SUCO: variants seen among roughly 807,000 people sequenced by gnomAD.
SUCO encodes the protein SUN domain containing ossification factor.
Under a neutral mutation model 148.1 loss-of-function variants are expected in SUCO, and 57 were observed. The observed-to-expected ratio is 0.38, with a 90% CI of 0.31 to 0.48. SUCO has a LOEUF of 0.48. Among genes scored for constraint, SUCO ranks in the 20% least tolerant of loss-of-function variants. The pLI, the probability that SUCO is intolerant of heterozygous loss-of-function variation, is 0.96. For synonymous variants in SUCO, 470 were observed against 502.7 expected, an observed-to-expected ratio of 0.93 and a Z score of 0.87; for missense variants, 1,331 against 1,468.2, an observed-to-expected ratio of 0.91 and a Z score of 1.53.
intron 6 of SUCO, 21 bp from the exon 7 acceptor site, chr1:172,568,994 TCTTA>T (rs1344011870): frequency 1.3e-6 from 2 of 1,545,426 alleles, no homozygotes; most frequent in Middle Eastern, 1.7e-4. Context: ...GTTGAAGTCT[TCTTA>T]CTTTTTGGTG....
intron 1 of SUCO, chr1:172,542,857 T>G: frequency 1.0e-6 from 1 of 985,422 alleles, no homozygotes; most frequent in African/African-American, 1.7e-5. Context: ...GGAAGTCATT[T>G]AAGTGGTCAA....
At chr1:172,536,987 C>A (rs1215185412) in intron 1 of SUCO, among the ~76,000 whole-genome samples, 1 of 152,140 alleles carries the variant, frequency 6.6e-6, no homozygotes, top group Non-Finnish European at 1.5e-5. Flanking sequence ...TCTGCAAAAT[C>A]TCTTTTACTA....
In SUCO at chr1:172,602,383, G is replaced by C. The variant is rs879015136; in HGVS notation, c.3173+165G>C. The C allele has an allele frequency of 5.1e-6, 5 of 981,036 alleles. No homozygotes were observed. The Admixed American group carries it at 1.8e-4, about 36-fold the overall frequency. The allele number at this position is 981,036 out of a possible 1,614,324, so 60.8% of individuals were successfully genotyped here. A position where few individuals can be genotyped will look rare whatever the true frequency, so the allele number is the denominator to read the frequency against. ...TCATTCGATAGTAAGATGGTCCTAT[G>C]CCTAACCTGGCTCTGTAGACTATAA... On this transcript the variant is annotated intron_variant, in intron 21 of 23. Transcript: ENST00000263688.
chr1:172,609,131 C>T, intron 23 of SUCO: 1 of 565,440 alleles, frequency 1.8e-6, no homozygotes, highest in Non-Finnish European at 2.2e-6. Context: ...GGATGATTGT[C>T]ATTATTTATT....
intron 6 of SUCO, among the ~76,000 whole-genome samples, chr1:172,563,013 C>T (rs1482600135): frequency 6.6e-6 from 1 of 152,160 alleles, no homozygotes; most frequent in Non-Finnish European, 1.5e-5. Flanking sequence ...ACTTGCTTCC[C>T]CTTTGCCCTT....
chr1:172,562,639 C>G (rs895023599), intron 6 of SUCO, among the ~76,000 whole-genome samples: 1 of 152,146 alleles, frequency 6.6e-6, no homozygotes, highest in East Asian at 1.9e-4. Context: ...CCCAGTTAGA[C>G]CATTCTTTAG....
At chr1:172,602,418 C>T (rs953234105) in intron 21 of SUCO, 200 bp downstream of exon 21, 1 of 983,026 alleles carries the variant, frequency 1.0e-6, no homozygotes, top group Non-Finnish European at 1.2e-6. Context: ...ATAGAGAAAA[C>T]ACTAATAGTA....
intron 18 of SUCO, 137 bp from the exon 19 acceptor site, chr1:172,590,847 G>A: frequency 1.7e-6 from 1 of 586,996 alleles, no homozygotes; most frequent in East Asian, 3.0e-5. Context: ...AAATAGAATT[G>A]TATTGCATAG....
intron 11 of SUCO, 92 bp from the exon 12 acceptor site, chr1:172,577,447 A>G: frequency 8.2e-7 from 1 of 1,219,782 alleles, no homozygotes; most frequent in Non-Finnish European, 1.2e-6. Flanking sequence ...TATACTTTAT[A>G]CAACATAATT....
At chr1:172,557,815 A>G (rs746565346) in intron 6 of SUCO, 21 bp downstream of exon 6, 29 of 1,550,112 alleles carry the variant, frequency 1.9e-5, no homozygotes, top group Non-Finnish European at 2.4e-5. Context: ...AACTTGCACT[A>G]TCTCTTACTT....
rs1430216854 is a variant in SUCO, at chr1:172,570,818, ATAAT to A, written c.1049+90_1049+93del. ...TACATTAGGGTTACATTGACATATA[ATAAT>A]TTAATAAGCTTTTATGATTGATTAG... On this transcript the variant is annotated intron_variant, in intron 9 of 23. Coordinates refer to ENST00000263688, the MANE Select transcript of SUCO (RefSeq NM_014283.5). The A allele has an allele frequency of 3.0e-5, 24 of 795,566 alleles. No homozygotes were observed. The East Asian group carries it at 5.5e-4, about 18-fold the overall frequency. 49.3% of individuals were successfully genotyped at this position (795,566 alleles called of 1,614,324 possible). A position where few individuals can be genotyped will look rare whatever the true frequency, so the allele number is the denominator to read the frequency against.
chr1:172,569,090 A>G lies in SUCO; in HGVS notation c.804A>G (p.Ile268Met). ...CAAGTCCCAAAGATCCAGAAGATAT[A>G]CCAACATTTGATGAATGGAAGAAGA... ...SVASPKDPEDIPTFDEWKKKV... is the reference protein window; with the variant it reads ...SVASPKDPEDMPTFDEWKKKV... The change falls in exon 7 of 24, where the codon ATA becomes ATG. Residue 268 changes from isoleucine (I) to methionine (M), a missense_variant. Around this residue, in one of 3 missense-constraint regions of SUCO, gnomAD observed 992 missense variants for 1,093.5 expected, o/e 0.91. Coordinates refer to ENST00000263688, the MANE Select transcript of SUCO (RefSeq NM_014283.5). 6.3e-7 allele frequency: 1 copy of G among 1,591,278 alleles called. No homozygotes were observed. Among genetic ancestry groups the G allele is most frequent in the Non-Finnish European group, 8.5e-7 (1 of 1,169,862 alleles).
At chr1:172,568,938 A>G in intron 6 of SUCO, 81 bp from the exon 7 acceptor site, 1 of 1,278,254 alleles carries the variant, frequency 7.8e-7, no homozygotes, top group East Asian at 3.0e-5. Flanking sequence ...TTAATTTGAC[A>G]GAAACATTTG....
chr1:172,562,326 CAT>C (rs1491365387), intron 6 of SUCO, among the ~76,000 whole-genome samples: 24 of 134,938 alleles, frequency 1.8e-4, no homozygotes, highest in African/African-American at 6.7e-4. Context: ...TGGGTTTTAA[CAT>C]TTTTTTTTTT....
chr1:172,558,464 A>ACTTC (rs1378598267), intron 6 of SUCO, among the ~76,000 whole-genome samples: 1 of 152,146 alleles, frequency 6.6e-6, no homozygotes, highest in African/African-American at 2.4e-5. Flanking sequence ...CAAAAACAAA[A>ACTTC]ATAAATAGGG....
At chr1:172,560,032 G>C (rs1654032320) in intron 6 of SUCO, among the ~76,000 whole-genome samples, 1 of 152,170 alleles carries the variant, frequency 6.6e-6, no homozygotes, top group African/African-American at 2.4e-5. Context: ...GCTTCCTGCT[G>C]AGTTTACAGT....
At chr1:172,592,977 A>G (rs1656784921) in intron 19 of SUCO, among the ~76,000 whole-genome samples, 1 of 151,898 alleles carries the variant, frequency 6.6e-6, no homozygotes, top group South Asian at 2.1e-4. Flanking sequence ...TAGTTCTTGA[A>G]GAGTTCCTTC....
At chr1:172,548,985 G>T (rs1653076728) in intron 1 of SUCO, among the ~76,000 whole-genome samples, 1 of 151,772 alleles carries the variant, frequency 6.6e-6, no homozygotes, top group South Asian at 2.1e-4. Context: ...AGTGGTTGTA[G>T]TATATTTTCT....
In SUCO at chr1:172,610,336, T is replaced by A. The variant is rs1377890020; in HGVS notation, c.*77T>A. The A allele has an allele frequency of 2.7e-6, 4 of 1,470,274 alleles. No homozygotes were observed. In the East Asian group the frequency reaches 9.7e-5, roughly 36 times the overall value. 91.1% of individuals were successfully genotyped at this position (1,470,274 alleles called of 1,614,324 possible). A position where few individuals can be genotyped will look rare whatever the true frequency, so the allele number is the denominator to read the frequency against. The stretch of plus-strand genomic sequence containing the variant: ...AACAGTCTGTAGTATTTGAAGGGTT[T>A]GGGGGAGGGAGAAAATATTAATGGG... On this transcript the variant is annotated 3_prime_UTR_variant, in exon 24 of 24. Coordinates refer to ENST00000263688, the MANE Select transcript of SUCO (RefSeq NM_014283.5).
Sources: allele counts gnomAD v4.1 joint callset (sites outside exome capture counted in the v4.1 genomes callset), GRCh38; gene constraint gnomAD v4.1.1; regional missense constraint gnomAD v4.1.1; transcripts MANE v1.5; gene names NCBI Gene and HGNC (gene_info 2026-07-23, HGNC 2026-07-21).